Variants in CYP2J2 observed in about 807,000 individuals in gnomAD.
The protein encoded by CYP2J2 is cytochrome P450 family 2 subfamily J member 2.
In CYP2J2, 41 loss-of-function variants were observed where a neutral mutation model predicts 48.8. The ratio of observed to expected loss-of-function variants is 0.84; its 90% CI spans 0.66 to 1.09. CYP2J2 has a LOEUF of 1.09. Ranked by LOEUF, CYP2J2 falls within the 50% of genes least tolerant of loss-of-function variation. CYP2J2 has a pLI of 0.00. For synonymous variants in CYP2J2, 221 were observed against 227.1 expected (o/e 0.97, Z 0.24); for missense variants, 644 against 617.3 (o/e 1.04, Z -0.46).
the CYP2J2 span, among the ~76,000 whole-genome samples, chr1:59,950,789 A>G: frequency 9.9e-5 from 15 of 152,156 alleles, no homozygotes; most frequent in Non-Finnish European, 1.8e-4. Context: ...CATCTGAGGC[A>G]TTGATGCTGG....
At chr1:59,925,474 G>A (rs772754861) in intron 1 of CYP2J2, among the ~76,000 whole-genome samples, 13 of 152,070 alleles carry the variant, frequency 8.5e-5, no homozygotes, top group Non-Finnish European at 1.3e-4. Context: ...ATTGTACATA[G>A]TATGATGTTT....
chr1:59,914,354 A>G (rs2102127717), intron 2 of CYP2J2, among the ~76,000 whole-genome samples: 1 of 152,330 alleles, frequency 6.6e-6, no homozygotes, highest in South Asian at 2.1e-4. Context: ...TTGTAGGGTA[A>G]AGAAAGAGAG....
intron 4 of CYP2J2, 78 bp from the exon 5 acceptor site, chr1:59,910,038 C>T (rs943956093): frequency 1.2e-5 from 13 of 1,068,828 alleles, no homozygotes; most frequent in Middle Eastern, 2.0e-4. Context: ...AAACCATCTT[C>T]TCTTTCCGTC....
upstream of CYP2J2, among the ~76,000 whole-genome samples, chr1:59,928,817 C>A (rs1198162646): frequency 6.6e-6 from 1 of 152,158 alleles, no homozygotes; most frequent in Non-Finnish European, 1.5e-5. Flanking sequence ...TAATAGGAGG[C>A]TGGTAATTCT....
At position 59,916,702 on chromosome 1, in the gene CYP2J2, C is replaced by T. The variant is rs141833901; in HGVS notation, c.211-602G>A. On this transcript the variant is annotated intron_variant, in intron 1 of 8. Transcript: ENST00000371204. The stretch of plus-strand genomic sequence containing the variant: ...GAGCCATGATCGTGCCATGGCACTC[C>T]AACTTGGGTGACAGAGTGAAAGCCT... Among the ~76,000 whole-genome samples the T allele has an allele frequency of 7.9e-3, 1,202 of 152,212 alleles. 17 individuals are homozygous for T. The highest frequency in any genetic ancestry group is 0.027 in the African/African-American group (1,128 of 41,534).
rs1644315174 is a variant in CYP2J2 at position 59,901,049 on chromosome 1, C to T, written c.1246G>A (p.Ala416Thr). ...TALHRDPTEW[A>T]TPDTFNPDHF... ...TCCGGATTGAATGTGTCAGGGGTGG[C>T]CCACTCTGTGGGGTCCCTGTGCAGC... The change falls in exon 8 of 9, where the codon GCC (alanine) becomes ACC (threonine). Residue 416 changes from alanine to threonine, a missense_variant. By Grantham distance (58) the Ala-to-Thr change is moderately conservative. Transcript: ENST00000371204. 2 of 1,614,112 alleles carry T rather than the reference C, an allele frequency of 1.2e-6. No individual in the cohort carries two copies. Among genetic ancestry groups the T allele is most frequent in the South Asian group, 1.1e-5 (1 of 91,070 alleles).
At chr1:59,951,497 T>C in the CYP2J2 span, among the ~76,000 whole-genome samples, 4 of 152,324 alleles carry the variant, frequency 2.6e-5, no homozygotes, top group Admixed American at 6.5e-5. Flanking sequence ...TTAATCAATA[T>C]ATGTGGTCCT....
intron 7 of CYP2J2, 142 bp downstream of exon 7, chr1:59,904,729 A>G (rs758323136): frequency 7.3e-6 from 5 of 686,956 alleles, no homozygotes; most frequent in Non-Finnish European, 9.4e-6. Context: ...AAGACTACAC[A>G]TGGAGAAAAT....
chr1:59,943,798 G>A, the CYP2J2 span, among the ~76,000 whole-genome samples: 21 of 152,144 alleles, frequency 1.4e-4, no homozygotes, highest in African/African-American at 4.1e-4. Context: ...TTGAATTTGC[G>A]GAGAAAAAAT....
chr1:59,921,160 G>A (rs1370319517), intron 1 of CYP2J2, among the ~76,000 whole-genome samples: 2 of 152,144 alleles, frequency 1.3e-5, no homozygotes, highest in African/African-American at 2.4e-5. Context: ...CTTAATAAAT[G>A]TCTGTTGAGT....
rs186159476 is a variant in CYP2J2, at chr1:59,898,778, G to C, written c.1330+2187C>G. 4.6e-5 allele frequency among the ~76,000 whole-genome samples: 7 copies of C among 152,252 alleles called. No homozygotes were observed. In the East Asian group the frequency reaches 1.4e-3, roughly 29 times the overall value. ...TTTTAGTTATCTTAAATTAAAAGGA[G>C]ATACCTATCCATTTCCTGCCTAACT... On this transcript the variant is annotated intron_variant, in intron 8 of 8. Transcript: ENST00000371204.
At chr1:59,945,535 TATATGCTA>T in the CYP2J2 span, among the ~76,000 whole-genome samples, 1 of 152,194 alleles carries the variant, frequency 6.6e-6, no homozygotes, top group African/African-American at 2.4e-5. Flanking sequence ...TCTGTCTACT[TATATGCTA>T]ATATGAGCCT....
intron 4 of CYP2J2, among the ~76,000 whole-genome samples, chr1:59,910,188 C>CAA (rs202197670): frequency 1.3e-5 from 2 of 149,960 alleles, no homozygotes; most frequent in African/African-American, 4.9e-5. Context: ...AGCTTGCCAC[C>CAA]AAAAAAAAAT....
the CYP2J2 span, among the ~76,000 whole-genome samples, chr1:59,948,554 G>A: frequency 1.3e-5 from 2 of 152,100 alleles, no homozygotes; most frequent in Non-Finnish European, 2.9e-5. Context: ...ATTGTTATTA[G>A]ATTGGTGCAA....
chr1:59,961,168 GT>G, the CYP2J2 span, among the ~76,000 whole-genome samples: 4 of 151,972 alleles, frequency 2.6e-5, no homozygotes, highest in Non-Finnish European at 5.9e-5. Flanking sequence ...AAACTTTTGT[GT>G]TTCAGTGATA....
At chr1:59,918,828 A>C (rs1644488496) in intron 1 of CYP2J2, among the ~76,000 whole-genome samples, 1 of 152,206 alleles carries the variant, frequency 6.6e-6, no homozygotes, top group South Asian at 2.1e-4. Flanking sequence ...GAGACAGGAA[A>C]TGTAATGCTA....
chr1:59,942,534 T>C, the CYP2J2 span, among the ~76,000 whole-genome samples: 1 of 151,962 alleles, frequency 6.6e-6, no homozygotes, highest in Admixed American at 6.6e-5. Flanking sequence ...GTCAGTTTGG[T>C]TTATATTTTA....
upstream of CYP2J2, among the ~76,000 whole-genome samples, chr1:59,931,027 T>A (rs1644600374): frequency 6.6e-6 from 1 of 152,146 alleles, no homozygotes; most frequent in Non-Finnish European, 1.5e-5. Context: ...AAGTCATCAC[T>A]CCTGTCTTCG....
At chr1:59,955,097 C>T in the CYP2J2 span, among the ~76,000 whole-genome samples, 1 of 151,160 alleles carries the variant, frequency 6.6e-6, no homozygotes, top group African/African-American at 2.4e-5. Context: ...AAGATTATGC[C>T]ACTGCATTTC....
Sources: gnomAD v4.1 joint callset for allele counts (sites outside exome capture counted in the v4.1 genomes callset) on GRCh38, gnomAD v4.1.1 for gene constraint, MANE v1.5 for transcripts, NCBI Gene and HGNC (gene_info 2026-07-23, HGNC 2026-07-21) for gene names.